Variants in RND3 observed in about 807,000 individuals in gnomAD.
The protein encoded by RND3 is Rho family GTPase 3.
In RND3, 8 loss-of-function variants were observed where a neutral mutation model predicts 26.5. The ratio of observed to expected loss-of-function variants is 0.30; its 90% CI spans 0.18 to 0.54. The LOEUF (loss-of-function observed/expected upper bound fraction) is 0.54, where lower values mean the gene tolerates loss of function less well. RND3 is among the 20% of genes least tolerant of loss of function. The pLI is 0.94. For missense variants in RND3, 207 were observed against 302.8 expected, an observed-to-expected ratio of 0.68 and a Z score of 2.35; for synonymous variants, 113 against 113.0, an observed-to-expected ratio of 1.00 and a Z score of 0.00.
rs1031918798 is a variant in RND3 at position 150,487,471 on chromosome 2, A to G, written c.-38-16T>C. On this transcript the variant is annotated splice_polypyrimidine_tract_variant and intron_variant, in intron 1 of 5. Coordinates refer to ENST00000263895, the MANE Select transcript of RND3 (RefSeq NM_005168.5). ...GGAATTTTCTCTTAAGAAGAAAAAA[A>G]AAAATATATATATATATATATATTT... 1.2e-5 allele frequency: 5 copies of G among 411,436 alleles called. No individual in the cohort carries two copies. The highest frequency in any genetic ancestry group is 1.4e-4 in the East Asian group (2 of 14,726). 25.5% of individuals were successfully genotyped at this position (411,436 alleles called of 1,614,324 possible).
chr2:150,471,092 A>G (rs1686082960), intron 5 of RND3, among the ~76,000 whole-genome samples: 1 of 152,216 alleles, frequency 6.6e-6, no homozygotes, highest in Non-Finnish European at 1.5e-5. Flanking sequence ...GCTAATGAGA[A>G]ATGGAAGACT....
chr2:150,473,704 C>G (rs1686120799), intron 4 of RND3, among the ~76,000 whole-genome samples: 1 of 152,152 alleles, frequency 6.6e-6, no homozygotes, highest in African/African-American at 2.4e-5. Flanking sequence ...TTAGTAGAGA[C>G]AGAAGGATTA....
In RND3 at chr2:150,468,233, A is replaced by AG. The variant is rs148264167; in HGVS notation, c.*1753_*1754insC. 436 of 152,304 alleles carry AG rather than the reference A, an allele frequency of 2.9e-3. 2 individuals carry two copies. The highest frequency in any genetic ancestry group is 0.01 in the African/African-American group (423 of 41,420). 9.4% of individuals were successfully genotyped at this position (152,304 alleles called of 1,614,324 possible). A position where few individuals can be genotyped will look rare whatever the true frequency, so the allele number is the denominator to read the frequency against. ...ATGGTTACTTTTTTATTTGAAGAAA[A>AG]AAAAAGTATGTTTTAATAAATACTG... is the stretch of plus-strand genomic sequence containing the variant. On this transcript the variant is annotated 3_prime_UTR_variant, in exon 6 of 6. Transcript: ENST00000263895.
intron 3 of RND3, 52 bp from the exon 4 acceptor site, chr2:150,475,036 T>C (rs377155861): frequency 6.3e-6 from 7 of 1,116,488 alleles, no homozygotes; most frequent in African/African-American, 3.1e-5. Flanking sequence ...CCCTTGTCTG[T>C]CATGCATTAA....
At chr2:150,476,611 A>G (rs1686171679) in intron 3 of RND3, among the ~76,000 whole-genome samples, 1 of 152,194 alleles carries the variant, frequency 6.6e-6, no homozygotes, top group African/African-American at 2.4e-5. Context: ...CACATCTGGA[A>G]CCAGGACCCT....
intron 3 of RND3, among the ~76,000 whole-genome samples, chr2:150,481,529 A>G (rs1686269575): frequency 6.6e-6 from 1 of 152,044 alleles, no homozygotes; most frequent in African/African-American, 2.4e-5. Flanking sequence ...ATTGTCACTC[A>G]TGTTTTCACC....
chr2:150,481,400 T>C (rs1259455516), intron 3 of RND3, among the ~76,000 whole-genome samples: 2 of 152,238 alleles, frequency 1.3e-5, no homozygotes, highest in Non-Finnish European at 2.9e-5. Context: ...AGGATGTCTT[T>C]ACCCTGTTCA....
intron 3 of RND3, among the ~76,000 whole-genome samples, chr2:150,484,070 T>C (rs1000800519): frequency 6.6e-6 from 1 of 152,234 alleles, no homozygotes; most frequent in African/African-American, 2.4e-5. Flanking sequence ...TGAAAGGCAA[T>C]GTTTATAAAG....
rs774463841 is a variant in RND3 at position 150,487,461 on chromosome 2, GAAGAA to G, written c.-38-11_-38-7del. 6.7e-6 allele frequency: 4 copies of G among 596,492 alleles called. No individual in the cohort carries two copies. The highest frequency in any genetic ancestry group is 2.2e-6 in the Non-Finnish European group (1 of 445,940). The allele number at this position is 596,492 out of a possible 1,614,324, so 36.9% of individuals were successfully genotyped here. A position where few individuals can be genotyped will look rare whatever the true frequency, so the allele number is the denominator to read the frequency against. ...TCTTGGAACAGGAATTTTCTCTTAA[GAAGAA>G]AAAAAAAAATATATATATATATATA... On this transcript the variant is annotated splice_region_variant and splice_polypyrimidine_tract_variant and intron_variant, in intron 1 of 5. Coordinates refer to ENST00000263895, the MANE Select transcript of RND3 (RefSeq NM_005168.5).
intron 3 of RND3, among the ~76,000 whole-genome samples, chr2:150,480,912 T>C (rs1011088488): frequency 6.6e-6 from 1 of 152,198 alleles, no homozygotes; most frequent in African/African-American, 2.4e-5. Context: ...TAAGCTCCAA[T>C]GGATCATTAC....
chr2:150,469,784 TCTTCCATGTATTCA>T lies in RND3; in HGVS notation c.*189_*202del. 1.8e-6 allele frequency: 1 copy of T among 561,070 alleles called. No individual in the cohort carries two copies. Among genetic ancestry groups the T allele is most frequent in the Non-Finnish European group, 3.1e-6 (1 of 321,832 alleles). 34.8% of individuals were successfully genotyped at this position (561,070 alleles called of 1,614,324 possible). Reference sequence around the variant, plus strand: ...TATTTTTCAAGTCACACTTAAAAACTCTTCCATGTATTCACTTCTCATCACTTGGTCTACATGCC... The same window carrying T: ...TATTTTTCAAGTCACACTTAAAAACTCTTCTCATCACTTGGTCTACATGCC... On this transcript the variant is annotated 3_prime_UTR_variant, in exon 6 of 6. Transcript: ENST00000263895.
rs1271662450 is a variant in RND3, at chr2:150,486,266, C to G, written c.238+428G>C. ...ATTTTCTCCCGCCTCCCATCACCCC[C>G]GCGGCGCTCCCCGCCTCCCCGCCAA... On this transcript the variant is annotated intron_variant, in intron 3 of 5. Transcript: ENST00000263895. This position sits in a 1 kb window ranked among gnomAD's most constrained non-coding sequence, Gnocchi z 4.5. Among the ~76,000 whole-genome samples, 2 of 152,228 alleles carry G rather than the reference C, an allele frequency of 1.3e-5. No homozygotes were observed. The highest frequency in any genetic ancestry group is 2.9e-5 in the Non-Finnish European group (2 of 68,038).
chr2:150,472,908 G>A (rs373824408), intron 4 of RND3, among the ~76,000 whole-genome samples: 29 of 152,124 alleles, frequency 1.9e-4, no homozygotes, highest in South Asian at 4.2e-4. Flanking sequence ...TTTGGGTAAC[G>A]AACTCTAGTG....
intron 3 of RND3, among the ~76,000 whole-genome samples, chr2:150,485,692 G>A (rs1259258320): frequency 6.6e-6 from 1 of 152,094 alleles, no homozygotes; most frequent in East Asian, 1.9e-4. Context: ...CTATGTCCCA[G>A]CCCAAGACCT....
chr2:150,479,083 A>G (rs1405263173), intron 3 of RND3, among the ~76,000 whole-genome samples: 3 of 152,140 alleles, frequency 2.0e-5, no homozygotes, highest in Non-Finnish European at 4.4e-5. Context: ...GGTAGATTGG[A>G]ACAAGTGTAC....
intron 5 of RND3, among the ~76,000 whole-genome samples, chr2:150,470,954 T>C (rs984947694): frequency 2.0e-5 from 3 of 152,210 alleles, no homozygotes; most frequent in Non-Finnish European, 2.9e-5. Context: ...AATAATACTA[T>C]TGTAACATCT....
intron 3 of RND3, among the ~76,000 whole-genome samples, chr2:150,475,874 G>T (rs1686155855): frequency 6.6e-6 from 1 of 152,124 alleles, no homozygotes. Flanking sequence ...AAAGGTTCAA[G>T]GCACCAGCCA....
chr2:150,479,711 G>A (rs1236161343), intron 3 of RND3, among the ~76,000 whole-genome samples: 1 of 152,192 alleles, frequency 6.6e-6, no homozygotes, highest in African/African-American at 2.4e-5. Flanking sequence ...AGAGGAAAAG[G>A]TTTAAATTAG....
chr2:150,482,283 T>A (rs1452581200), intron 3 of RND3, among the ~76,000 whole-genome samples: 1 of 152,226 alleles, frequency 6.6e-6, no homozygotes, highest in Non-Finnish European at 1.5e-5. Flanking sequence ...TGCAATCAAA[T>A]CTCTTAGGAA....
Sources: allele counts gnomAD v4.1 joint callset (sites outside exome capture counted in the v4.1 genomes callset), GRCh38; gene constraint gnomAD v4.1.1; non-coding constraint Gnocchi (gnomAD v3.1); transcripts MANE v1.5; gene names NCBI Gene and HGNC (gene_info 2026-07-23, HGNC 2026-07-21).